Variants in FGF18 observed in about 807,000 individuals in gnomAD.
The protein encoded by FGF18 is fibroblast growth factor 18.
In FGF18, 5 loss-of-function variants were observed where a neutral mutation model predicts 23.0. That is an observed-to-expected ratio of 0.22 (90% confidence interval 0.11 to 0.46). FGF18 has a LOEUF of 0.46. Ranked by LOEUF, FGF18 falls within the 20% of genes least tolerant of loss-of-function variation. The pLI, the probability that FGF18 is intolerant of heterozygous loss-of-function variation, is 0.99. For synonymous variants in FGF18, 117 were observed against 118.9 expected, an observed-to-expected ratio of 0.98 and a Z score of 0.10; for missense variants, 180 against 291.6, an observed-to-expected ratio of 0.62 and a Z score of 2.79.
rs78379836 is a variant in FGF18, at chr5:171,435,667, C to T, written c.70-426C>T. Among the ~76,000 whole-genome samples the T allele has an allele frequency of 4.3e-3, 656 of 152,204 alleles. 1 individual carries two copies. The highest frequency in any genetic ancestry group is 6.9e-3 in the Non-Finnish European group (467 of 68,010). On this transcript the variant is annotated intron_variant, in intron 2 of 4. Transcript: ENST00000274625. The stretch of plus-strand genomic sequence containing the variant: ...ATGGACCCAGCGTTCCATCCCCTCT[C>T]GTTCCTCACCCATCTCCACGTGGAT...
At chr5:171,444,169 T>C (rs1455912421) in intron 3 of FGF18, among the ~76,000 whole-genome samples, 1 of 152,166 alleles carries the variant, frequency 6.6e-6, no homozygotes, top group African/African-American at 2.4e-5. Context: ...CCCCATCCAC[T>C]AACTTCTGCC....
At chr5:171,443,494 T>TATC (rs1282711923) in intron 3 of FGF18, among the ~76,000 whole-genome samples, 2 of 137,116 alleles carry the variant, frequency 1.5e-5, no homozygotes, top group East Asian at 2.2e-4. Context: ...TATTCACTGT[T>TATC]ATCATCATTT....
At chr5:171,449,621 G>T (rs1255220864) in intron 4 of FGF18, among the ~76,000 whole-genome samples, 1 of 152,044 alleles carries the variant, frequency 6.6e-6, no homozygotes, top group Non-Finnish European at 1.5e-5. Flanking sequence ...TGTCCCTGAC[G>T]TCTGGGAGCA....
chr5:171,453,140 G>A (rs181764376), intron 4 of FGF18, among the ~76,000 whole-genome samples: 2 of 152,280 alleles, frequency 1.3e-5, no homozygotes, highest in African/African-American at 2.4e-5. Context: ...TCCGGGGGTC[G>A]GGCCCAAGCA....
Position 171,420,454 on chromosome 5 carries a change from T to C in FGF18, c.69+11T>C, listed in dbSNP as rs772725470. The C allele has an allele frequency of 6.2e-7, 1 of 1,612,264 alleles. No individual in the cohort carries two copies. The highest frequency in any genetic ancestry group is 8.5e-7 in the Non-Finnish European group (1 of 1,179,086). Reference sequence around the variant, plus strand: ...TGCTTCCAGGTACAGGTACGTGGGCTCCTGACTTTGACCTCCTCCCGCCCC... The same window carrying C: ...TGCTTCCAGGTACAGGTACGTGGGCCCCTGACTTTGACCTCCTCCCGCCCC... On this transcript the variant is annotated intron_variant, in intron 2 of 4. Coordinates refer to ENST00000274625, the MANE Select transcript of FGF18 (RefSeq NM_003862.3).
chr5:171,447,569 ATTC>A (rs1372855574), intron 3 of FGF18, among the ~76,000 whole-genome samples: 3 of 152,264 alleles, frequency 2.0e-5, no homozygotes, highest in East Asian at 1.9e-4. Context: ...TTTTATGTAA[ATTC>A]TTCTTTTTTT....
At chr5:171,439,545 C>T (rs540553933) in intron 3 of FGF18, among the ~76,000 whole-genome samples, 21 of 152,338 alleles carry the variant, frequency 1.4e-4, no homozygotes, top group African/African-American at 4.3e-4. Context: ...CATAGAACAG[C>T]ACTGGAACAG....
At chr5:171,444,514 C>T (rs1256203187) in intron 3 of FGF18, among the ~76,000 whole-genome samples, 1 of 152,046 alleles carries the variant, frequency 6.6e-6, no homozygotes, top group Non-Finnish European at 1.5e-5. Context: ...CTGATACTTT[C>T]CATAGGGGCA....
chr5:171,445,572 G>A (rs1390747823), intron 3 of FGF18, among the ~76,000 whole-genome samples: 1 of 151,770 alleles, frequency 6.6e-6, no homozygotes, highest in South Asian at 2.1e-4. Context: ...CATCATGTTG[G>A]CCAGGCTGGT....
chr5:171,446,186 C>T (rs981858893), intron 3 of FGF18, among the ~76,000 whole-genome samples: 11 of 152,212 alleles, frequency 7.2e-5, no homozygotes, highest in Admixed American at 3.3e-4. Flanking sequence ...GCTCCCCTGG[C>T]GTGACGGCCA....
At chr5:171,428,932 G>A (rs1363202514) in intron 2 of FGF18, among the ~76,000 whole-genome samples, 2 of 152,182 alleles carry the variant, frequency 1.3e-5, no homozygotes, top group African/African-American at 4.8e-5. Context: ...CCGACCCTCG[G>A]GCCCAACCCC....
At chr5:171,430,768 C>A (rs1772169215) in intron 2 of FGF18, among the ~76,000 whole-genome samples, 1 of 128,914 alleles carries the variant, frequency 7.8e-6, no homozygotes, top group Non-Finnish European at 1.5e-5. Flanking sequence ...GTAGTCCGGC[C>A]TGGGCGACAG....
At chr5:171,420,263 G>A (rs764770512) in intron 1 of FGF18, 32 bp downstream of exon 1, 11 of 1,597,708 alleles carry the variant, frequency 6.9e-6, no homozygotes, top group South Asian at 2.2e-5. Context: ...TGCCCACCTT[G>A]CCTGGCTGTC....
intron 3 of FGF18, among the ~76,000 whole-genome samples, chr5:171,439,718 C>T (rs748612564): frequency 1.6e-4 from 25 of 152,042 alleles, no homozygotes; most frequent in Non-Finnish European, 3.4e-4. Flanking sequence ...TGGGATGTGA[C>T]GAGATGGGGA....
At chr5:171,437,713 G>A (rs1772273071) in intron 3 of FGF18, among the ~76,000 whole-genome samples, 2 of 152,206 alleles carry the variant, frequency 1.3e-5, no homozygotes, top group African/African-American at 4.8e-5. Context: ...GGCTGACCCA[G>A]GTGGTGGTTT....
At chr5:171,439,390 C>G (rs2113348426) in intron 3 of FGF18, among the ~76,000 whole-genome samples, 1 of 152,236 alleles carries the variant, frequency 6.6e-6, no homozygotes, top group Non-Finnish European at 1.5e-5. Flanking sequence ...GCACAGCTGG[C>G]CAGAGGGCTG....
In FGF18 at chr5:171,436,455, G is replaced by T. The variant is rs951522791; in HGVS notation, c.250+182G>T. ...TGGGGATGCAATAGTGAATCCTTGAGAGCATTGTCAGGAGTACTAACTGAA... is the reference window on the plus strand; with the variant it reads ...TGGGGATGCAATAGTGAATCCTTGATAGCATTGTCAGGAGTACTAACTGAA... On this transcript the variant is annotated intron_variant, in intron 3 of 4. Coordinates refer to ENST00000274625, the MANE Select transcript of FGF18 (RefSeq NM_003862.3). This position sits in a 1 kb window ranked among gnomAD's most constrained non-coding sequence, Gnocchi z 4.4. Among the ~76,000 whole-genome samples the T allele has an allele frequency of 6.6e-6, 1 of 152,186 alleles. No homozygotes were observed. Among genetic ancestry groups the T allele is most frequent in the Non-Finnish European group, 1.5e-5 (1 of 68,040 alleles).
intron 2 of FGF18, among the ~76,000 whole-genome samples, chr5:171,422,945 G>A (rs567833097): frequency 2.0e-5 from 3 of 152,332 alleles, no homozygotes; most frequent in Non-Finnish European, 2.9e-5. Flanking sequence ...ATGATGGGGG[G>A]TGGGGTAGTT....
chr5:171,430,215 G>C (rs1772157705), intron 2 of FGF18, among the ~76,000 whole-genome samples: 1 of 152,016 alleles, frequency 6.6e-6, no homozygotes, highest in African/African-American at 2.4e-5. Flanking sequence ...AAAATTCACT[G>C]GGCGCGGTGG....
Sources: allele counts gnomAD v4.1 joint callset (sites outside exome capture counted in the v4.1 genomes callset), GRCh38; gene constraint gnomAD v4.1.1; non-coding constraint Gnocchi (gnomAD v3.1); transcripts MANE v1.5; gene names NCBI Gene and HGNC (gene_info 2026-07-23, HGNC 2026-07-21).